The following PKP4 variants were observed in gnomAD, a reference collection of about 807,000 sequenced individuals.
PKP4 encodes plakophilin-4.
In PKP4, 90 loss-of-function variants were observed where a neutral mutation model predicts 145.1. The ratio of observed to expected loss-of-function variants is 0.62; its 90% CI spans 0.52 to 0.74. PKP4 has a LOEUF of 0.74. Ranked by LOEUF, PKP4 falls within the 30% of genes least tolerant of loss-of-function variation. The pLI, the probability that PKP4 is intolerant of heterozygous loss-of-function variation, is 0.00. For synonymous variants in PKP4, 563 were observed against 577.2 expected (o/e 0.98, Z 0.35); for missense variants, 1,340 against 1,482.7 (o/e 0.90, Z 1.58).
At chr2:158,595,894 C>T (rs1406042616) in intron 3 of PKP4, among the ~76,000 whole-genome samples, 2 of 152,084 alleles carry the variant, frequency 1.3e-5, no homozygotes. Context: ...CTATGGAGCC[C>T]AGTTCACATA....
intron 1 of PKP4, among the ~76,000 whole-genome samples, chr2:158,469,653 T>C (rs1340532688): frequency 1.3e-5 from 2 of 152,214 alleles, no homozygotes; most frequent in Non-Finnish European, 2.9e-5. Flanking sequence ...TTCATTCTAA[T>C]ATTTTTATTA....
intron 1 of PKP4, among the ~76,000 whole-genome samples, chr2:158,501,782 T>C (rs1427949574): frequency 7.5e-6 from 1 of 134,078 alleles, no homozygotes; most frequent in African/African-American, 2.5e-5. Flanking sequence ...TTCACTCTTA[T>C]ACTGTCTTCT....
At chr2:158,551,140 A>G (rs1360913663) in intron 2 of PKP4, among the ~76,000 whole-genome samples, 3 of 152,216 alleles carry the variant, frequency 2.0e-5, no homozygotes, top group African/African-American at 7.2e-5. Flanking sequence ...GCTTACGTGG[A>G]AAAGAATAGT....
At chr2:158,513,945 C>T (rs1318646231) in intron 1 of PKP4, among the ~76,000 whole-genome samples, 2 of 152,122 alleles carry the variant, frequency 1.3e-5, no homozygotes, top group Admixed American at 6.5e-5. Flanking sequence ...TCTTCCCTGA[C>T]GACCCCGCTC....
intron 4 of PKP4, among the ~76,000 whole-genome samples, chr2:158,615,901 T>C (rs1429994093): frequency 1.3e-5 from 2 of 152,286 alleles, no homozygotes; most frequent in Non-Finnish European, 1.5e-5. Context: ...CTGATTAATA[T>C]TGATAAGATA....
intron 1 of PKP4, among the ~76,000 whole-genome samples, chr2:158,493,305 A>G (rs891817870): frequency 7.2e-5 from 11 of 152,120 alleles, no homozygotes; most frequent in Admixed American, 4.6e-4. Context: ...TTGACTATAT[A>G]TATCATTCAC....
At chr2:158,678,858 T>C (rs528092713) in intron 21 of PKP4, 45 of 598,108 alleles carry the variant, frequency 7.5e-5, no homozygotes, top group Non-Finnish European at 1.2e-4. Context: ...TCCACATCGG[T>C]ACTGCTGAGA....
At chr2:158,544,258 C>T (rs907849794) in intron 2 of PKP4, among the ~76,000 whole-genome samples, 1 of 152,082 alleles carries the variant, frequency 6.6e-6, no homozygotes, top group Admixed American at 6.6e-5. Flanking sequence ...AGTTGACTGC[C>T]TATTACATAG....
At chr2:158,676,673 CCA>C (rs2058036605) in intron 19 of PKP4, 64 bp from the exon 20 acceptor site, 2 of 1,588,756 alleles carry the variant, frequency 1.3e-6, no homozygotes, top group African/African-American at 1.3e-5. Context: ...AGAGGATTTT[CCA>C]CAGATACTGA....
intron 1 of PKP4, among the ~76,000 whole-genome samples, chr2:158,513,982 C>T (rs2041734418): frequency 6.6e-6 from 1 of 152,232 alleles, no homozygotes; most frequent in Non-Finnish European, 1.5e-5. Context: ...GCTCCCCTCA[C>T]TTCTGTGGTG....
chr2:158,594,110 C>T (rs1250469876), intron 3 of PKP4, among the ~76,000 whole-genome samples: 1 of 152,140 alleles, frequency 6.6e-6, no homozygotes, highest in East Asian at 1.9e-4. Context: ...GTCTGCCTTC[C>T]TATAGCCATC....
chr2:158,523,774 G>A (rs1350025997), intron 1 of PKP4, among the ~76,000 whole-genome samples: 3 of 119,266 alleles, frequency 2.5e-5, no homozygotes, highest in East Asian at 5.0e-4. Flanking sequence ...AACCAATACA[G>A]AGAAGTGCTT....
intron 1 of PKP4, among the ~76,000 whole-genome samples, chr2:158,487,016 A>G (rs769252965): frequency 3.9e-5 from 6 of 152,230 alleles, no homozygotes; most frequent in African/African-American, 9.6e-5. Context: ...TTCTGTACCT[A>G]TTCCCAGCCC....
intron 3 of PKP4, among the ~76,000 whole-genome samples, chr2:158,579,412 C>A (rs1438002225): frequency 6.7e-6 from 1 of 149,452 alleles, no homozygotes; most frequent in Non-Finnish European, 1.5e-5. Flanking sequence ...GTGCTTTGTT[C>A]GTCATGTATT....
chr2:158,643,268 AACGAAGTTCCCTGGGTG>A (rs1329630137), intron 11 of PKP4, among the ~76,000 whole-genome samples: 1 of 152,190 alleles, frequency 6.6e-6, no homozygotes, highest in Non-Finnish European at 1.5e-5. Flanking sequence ...GAGGATGGGT[AACGAAGTTCCCTGGGTG>A]ACATGAAACT....
intron 2 of PKP4, among the ~76,000 whole-genome samples, chr2:158,542,244 A>C (rs1355977710): frequency 6.6e-6 from 1 of 152,152 alleles, no homozygotes; most frequent in African/African-American, 2.4e-5. Context: ...GATAAGTAAT[A>C]TTATTTTTCT....
chr2:158,573,922 C>T (rs1160372377), intron 2 of PKP4, among the ~76,000 whole-genome samples: 1 of 152,254 alleles, frequency 6.6e-6, no homozygotes, highest in African/African-American at 2.4e-5. Flanking sequence ...CTGTCTGCAG[C>T]CGAGACACCC....
Position 158,597,660 on chromosome 2 carries a change from C to T in PKP4, c.246-5410C>T, listed in dbSNP as rs578027530. ...ACCCATGCTCCATTCATAAATAAAA[C>T]AATTTCTAGGATAATTTGAGTTATC... is the stretch of plus-strand genomic sequence containing the variant. On this transcript the variant is annotated intron_variant, in intron 3 of 21. Coordinates refer to ENST00000389759, the MANE Select transcript of PKP4 (RefSeq NM_003628.6). Among the ~76,000 whole-genome samples, 154 of 152,278 alleles carry T rather than the reference C, an allele frequency of 1.0e-3. 1 individual carries two copies. Among genetic ancestry groups the T allele is most frequent in the African/African-American group, 3.6e-3 (149 of 41,550 alleles).
chr2:158,577,447 T>G, intron 3 of PKP4, 64 bp downstream of exon 3: 1 of 1,009,304 alleles, frequency 9.9e-7, no homozygotes, highest in Non-Finnish European at 1.5e-6. Flanking sequence ...GGTTGTTCTC[T>G]ATGCAGCAAA....
Sources: gnomAD v4.1 joint callset for allele counts (sites outside exome capture counted in the v4.1 genomes callset) on GRCh38, gnomAD v4.1.1 for gene constraint, MANE v1.5 for transcripts, NCBI Gene and HGNC (gene_info 2026-07-23, HGNC 2026-07-21) for gene names.